The following LRRC4C variants were observed in gnomAD, a reference collection of about 807,000 sequenced individuals.
LRRC4C encodes leucine rich repeat containing 4C.
Under a neutral mutation model 33.6 loss-of-function variants are expected in LRRC4C, and 5 were observed. The ratio of observed to expected loss-of-function variants is 0.15; its 90% confidence interval spans 0.08 to 0.31. LRRC4C has a LOEUF of 0.31. Among genes scored for constraint, LRRC4C ranks in the 10% least tolerant of loss-of-function variants. The pLI is 1.00. For synonymous variants in LRRC4C, 329 were observed against 302.0 expected (o/e 1.09, Z -0.93); for missense variants, 560 against 796.7 (o/e 0.70, Z 3.58).
At chr11:41,003,429 A>G (rs1259015065) in intron 1 of LRRC4C, among the ~76,000 whole-genome samples, 4 of 152,292 alleles carry the variant, frequency 2.6e-5, no homozygotes, top group Non-Finnish European at 5.9e-5. Flanking sequence ...AAGGACATTC[A>G]GACTTTGCCT....
chr11:40,340,254 C>CT (rs1039932216), intron 3 of LRRC4C, among the ~76,000 whole-genome samples: 25 of 152,156 alleles, frequency 1.6e-4, no homozygotes, highest in Middle Eastern at 3.4e-3. Context: ...TCTGATTTCT[C>CT]TTTTTTTCAC....
chr11:41,401,037 G>T (rs1954006763), intron 1 of LRRC4C, among the ~76,000 whole-genome samples: 1 of 151,758 alleles, frequency 6.6e-6, no homozygotes, highest in Admixed American at 6.6e-5. Flanking sequence ...AGACACCCAA[G>T]AAATATGCCA....
At position 41,272,749 on chromosome 11, in the gene LRRC4C, C is replaced by T. The variant is rs574339718; in HGVS notation, c.-496+186682G>A. Among the ~76,000 whole-genome samples, 12 of 152,218 alleles carry T rather than the reference C, an allele frequency of 7.9e-5. 1 individual carries two copies. In the South Asian group the frequency reaches 2.5e-3, roughly 32 times the overall value. The stretch of plus-strand genomic sequence containing the variant: ...CAAAAAAGAAGGTATGCTTATTTCC[C>T]CTTCTTACTTAGCTGACTTTTGTAC... On this transcript the variant is annotated intron_variant, in intron 1 of 6. Transcript: ENST00000528697.
chr11:41,216,684 G>C (rs1297352883), intron 1 of LRRC4C, among the ~76,000 whole-genome samples: 1 of 152,092 alleles, frequency 6.6e-6, no homozygotes, highest in Non-Finnish European at 1.5e-5. Context: ...AGTGCTGACA[G>C]GAGTTCAAAA....
chr11:40,655,685 T>C (rs958414473), intron 2 of LRRC4C, among the ~76,000 whole-genome samples: 4 of 152,170 alleles, frequency 2.6e-5, no homozygotes, highest in Admixed American at 1.3e-4. Flanking sequence ...AGGAAAAGAA[T>C]CATTTCTTAT....
intron 1 of LRRC4C, among the ~76,000 whole-genome samples, chr11:41,026,721 T>C (rs541498664): frequency 3.7e-4 from 56 of 151,576 alleles, no homozygotes; most frequent in African/African-American, 1.4e-3. Context: ...GCCATCGACA[T>C]TGAGAAAAGA....
chr11:40,656,497 A>G (rs974210259), intron 2 of LRRC4C, among the ~76,000 whole-genome samples: 1 of 149,768 alleles, frequency 6.7e-6, no homozygotes, highest in Non-Finnish European at 1.5e-5. Context: ...TGAAAAAGGC[A>G]ATACATTTAT....
chr11:40,926,927 T>A (rs1316154004), intron 2 of LRRC4C, among the ~76,000 whole-genome samples: 4 of 152,206 alleles, frequency 2.6e-5, no homozygotes, highest in Admixed American at 6.6e-5. Context: ...GGGAGGATCA[T>A]GAGTGTTCAG....
intron 1 of LRRC4C, among the ~76,000 whole-genome samples, chr11:41,089,688 T>G (rs1940260588): frequency 6.6e-6 from 1 of 152,120 alleles, no homozygotes; most frequent in South Asian, 2.1e-4. Context: ...ATCTCCCAGA[T>G]GTATATCTGA....
At chr11:40,206,121 C>T (rs1185479092) in intron 5 of LRRC4C, among the ~76,000 whole-genome samples, 1 of 151,866 alleles carries the variant, frequency 6.6e-6, no homozygotes, top group Non-Finnish European at 1.5e-5. Context: ...AGTATAGTGC[C>T]TAACACATCA....
At chr11:40,626,103 A>G (rs1962903101) in intron 3 of LRRC4C, among the ~76,000 whole-genome samples, 1 of 151,816 alleles carries the variant, frequency 6.6e-6, no homozygotes, top group Admixed American at 6.6e-5. Context: ...TTACCCCCAT[A>G]TTTTCTCTGA....
rs374457203 is a variant in LRRC4C, at chr11:40,114,816, G to C, written c.1477C>G (p.Leu493Val). 1.5e-5 allele frequency: 25 copies of C among 1,613,986 alleles called. No individual in the cohort carries two copies. The highest frequency in any genetic ancestry group is 4.0e-5 in the African/African-American group (3 of 74,902). ...GTCGACCTTGTGCTCTGTGGTGTGAGAGAGGTGGTCACATTGGTGGTCTCC... is the reference window on the plus strand; with the variant it reads ...GTCGACCTTGTGCTCTGTGGTGTGACAGAGGTGGTCACATTGGTGGTCTCC... Reference protein sequence around the residue: ...DWETTNVTTSLTPQSTRSTEK... With the variant: ...DWETTNVTTSVTPQSTRSTEK... The change falls in exon 7 of 7, where the codon CTC becomes GTC. Residue 493 changes from leucine to valine, a missense_variant. Coordinates refer to ENST00000528697, the MANE Select transcript of LRRC4C (RefSeq NM_001258419.2).
chr11:40,343,700 G>GTTGT, intron 3 of LRRC4C, among the ~76,000 whole-genome samples: 1 of 89,556 alleles, frequency 1.1e-5, no homozygotes, highest in South Asian at 4.4e-4. Flanking sequence ...GAATCCAGGA[G>GTTGT]TTGTTTTTTT....
At chr11:41,023,399 C>T (rs748594384) in intron 1 of LRRC4C, among the ~76,000 whole-genome samples, 1 of 151,568 alleles carries the variant, frequency 6.6e-6, no homozygotes, top group Non-Finnish European at 1.5e-5. Flanking sequence ...CAAGCAACAA[C>T]AAAATCACAT....
At chr11:40,740,885 C>G (rs898553883) in intron 2 of LRRC4C, among the ~76,000 whole-genome samples, 3 of 152,008 alleles carry the variant, frequency 2.0e-5, no homozygotes, top group African/African-American at 4.8e-5. Context: ...TTTGAAGAGA[C>G]TATACATTCC....
At chr11:40,271,932 A>G (rs1259162168) in intron 4 of LRRC4C, among the ~76,000 whole-genome samples, 1 of 152,192 alleles carries the variant, frequency 6.6e-6, no homozygotes, top group Admixed American at 6.6e-5. Flanking sequence ...AGTTATTAAT[A>G]TAATTCCAGT....
At chr11:40,188,697 G>A (rs1861598503) in intron 5 of LRRC4C, among the ~76,000 whole-genome samples, 1 of 151,942 alleles carries the variant, frequency 6.6e-6, no homozygotes, top group African/African-American at 2.4e-5. Context: ...CGAATAGGGG[G>A]AAAATATTAT....
chr11:40,307,012 A>ATC, intron 4 of LRRC4C, among the ~76,000 whole-genome samples: 1 of 149,444 alleles, frequency 6.7e-6, no homozygotes, highest in African/African-American at 2.5e-5. Flanking sequence ...GTATCTATCT[A>ATC]TCTAATATCT....
intron 1 of LRRC4C, among the ~76,000 whole-genome samples, chr11:41,173,082 C>A (rs1337941912): frequency 6.6e-6 from 1 of 152,112 alleles, no homozygotes; most frequent in African/African-American, 2.4e-5. Context: ...GTTCCTACAA[C>A]TTCTGCAGGC....
Sources: gnomAD v4.1 joint callset for allele counts (sites outside exome capture counted in the v4.1 genomes callset) on GRCh38, gnomAD v4.1.1 for gene constraint, MANE v1.5 for transcripts, NCBI Gene and HGNC (gene_info 2026-07-23, HGNC 2026-07-21) for gene names.